Variants in BAZ2B observed in about 807,000 individuals in gnomAD.
BAZ2B encodes the protein bromodomain adjacent to zinc finger domain protein 2B.
BAZ2B carries 91 observed loss-of-function variants against 246.0 expected under a neutral mutation model. The observed-to-expected ratio is 0.37, with a 90% CI of 0.31 to 0.44. The LOEUF (loss-of-function observed/expected upper bound fraction) is 0.44. BAZ2B is among the 20% of genes least tolerant of loss of function. The probability of loss-of-function intolerance (pLI) is 1.00; values close to 1 mark genes in which losing one functional copy is unlikely to be tolerated. For synonymous variants in BAZ2B, 855 were observed against 860.0 expected, an observed-to-expected ratio of 0.99 and a Z score of 0.10; for missense variants, 2,332 against 2,533.7, an observed-to-expected ratio of 0.92 and a Z score of 1.71.
chr2:159,697,868 T>C, the BAZ2B span, among the ~76,000 whole-genome samples: 4 of 152,168 alleles, frequency 2.6e-5, no homozygotes, highest in Non-Finnish European at 5.9e-5. Context: ...TTCTTAGCAT[T>C]ACACTGATTT....
At chr2:159,540,101 CT>C (rs1293990524) in intron 2 of BAZ2B, among the ~76,000 whole-genome samples, 3 of 152,174 alleles carry the variant, frequency 2.0e-5, no homozygotes. Flanking sequence ...AGAAAGTAAA[CT>C]TAATGACAGA....
chr2:159,536,552 G>A (rs1370349625), intron 2 of BAZ2B, among the ~76,000 whole-genome samples: 2 of 152,190 alleles, frequency 1.3e-5, no homozygotes, highest in East Asian at 3.8e-4. Context: ...GTGTCACACG[G>A]AGATAGCTAC....
At chr2:159,369,966 T>C (rs1269800339) in intron 27 of BAZ2B, among the ~76,000 whole-genome samples, 1 of 152,182 alleles carries the variant, frequency 6.6e-6, no homozygotes, top group East Asian at 1.9e-4. Flanking sequence ...ATGGCACATA[T>C]ACACCATGGA....
At chr2:159,561,338 C>A (rs1280102934) in intron 1 of BAZ2B, among the ~76,000 whole-genome samples, 1 of 152,238 alleles carries the variant, frequency 6.6e-6, no homozygotes, top group Non-Finnish European at 1.5e-5. Flanking sequence ...CCCTCTCACC[C>A]ATGCCAGCTT....
At chr2:159,518,466 T>C (rs2083679938) in intron 2 of BAZ2B, among the ~76,000 whole-genome samples, 1 of 152,182 alleles carries the variant, frequency 6.6e-6, no homozygotes, top group African/African-American at 2.4e-5. Flanking sequence ...TCCCCTGTAC[T>C]CTGGAAAGTC....
rs10172494 is a variant in BAZ2B at position 159,329,051 on chromosome 2, A to T, written c.5944-3133T>A. ...GCTGAGGCAGGAGAATCGCTTGAAC[A>T]CGGGAGGTGGAGGTTGCAGCAGTGA... On this transcript the variant is annotated intron_variant, in intron 34 of 36. Coordinates refer to ENST00000392783, the MANE Select transcript of BAZ2B (RefSeq NM_013450.4). Among the ~76,000 whole-genome samples the T allele has an allele frequency of 3.3e-3, 499 of 151,380 alleles. 1 individual carries two copies. The highest frequency in any genetic ancestry group is 4.7e-3 in the Non-Finnish European group (319 of 67,848).
chr2:159,428,084 T>C (rs987992134), intron 12 of BAZ2B, 42 bp from the exon 13 acceptor site: 10 of 1,560,788 alleles, frequency 6.4e-6, no homozygotes, highest in Non-Finnish European at 8.8e-6. Context: ...TTTTAATAAT[T>C]ACAACCCAGC....
At chr2:159,567,548 A>G (rs1242858899) in intron 1 of BAZ2B, among the ~76,000 whole-genome samples, 1 of 152,188 alleles carries the variant, frequency 6.6e-6, no homozygotes, top group East Asian at 1.9e-4. Context: ...TCAATGGCAT[A>G]TTGCTTGGGC....
the BAZ2B span, among the ~76,000 whole-genome samples, chr2:159,683,468 C>T: frequency 6.6e-6 from 1 of 152,244 alleles, no homozygotes; most frequent in Non-Finnish European, 1.5e-5. Flanking sequence ...ACCACCACCA[C>T]AACCAAAATA....
intron 34 of BAZ2B, among the ~76,000 whole-genome samples, chr2:159,330,528 T>C (rs2064552242): frequency 6.6e-6 from 1 of 152,106 alleles, no homozygotes. Flanking sequence ...AAGAGCACTT[T>C]TGGAGAAGCT....
In BAZ2B at chr2:159,383,580, ATTAACT is replaced by A. The variant is rs773307443; in HGVS notation, c.3761+20_3761+25del. On this transcript the variant is annotated intron_variant, in intron 24 of 36. Coordinates refer to ENST00000392783, the MANE Select transcript of BAZ2B (RefSeq NM_013450.4). ...AATTTGTAGAAAAAGAAAACAGTAC[ATTAACT>A]TTAATAAAACAGGACTTACTTGCGG... The A allele has an allele frequency of 2.5e-6, 4 of 1,576,820 alleles. No individual in the cohort carries two copies. Among genetic ancestry groups the A allele is most frequent in the East Asian group, 2.3e-5 (1 of 44,422 alleles).
chr2:159,380,808 G>A (rs959913844), intron 25 of BAZ2B, among the ~76,000 whole-genome samples: 5 of 152,136 alleles, frequency 3.3e-5, no homozygotes, highest in Non-Finnish European at 5.9e-5. Flanking sequence ...GTATGTTGTT[G>A]AGTGAATTAA....
At chr2:159,362,812 C>A (rs2059852333) in intron 27 of BAZ2B, among the ~76,000 whole-genome samples, 1 of 152,118 alleles carries the variant, frequency 6.6e-6, no homozygotes, top group African/African-American at 2.4e-5. Context: ...TCCTTATCAG[C>A]TTAGAGATTT....
intron 2 of BAZ2B, among the ~76,000 whole-genome samples, chr2:159,519,511 T>A (rs561041960): frequency 2.7e-4 from 41 of 150,122 alleles, no homozygotes; most frequent in Non-Finnish European, 5.8e-4. Context: ...ATTACAGGCG[T>A]GAGCCACCGC....
intron 2 of BAZ2B, among the ~76,000 whole-genome samples, chr2:159,544,557 A>G (rs1469574775): frequency 6.6e-6 from 1 of 152,180 alleles, no homozygotes; most frequent in Non-Finnish European, 1.5e-5. Context: ...GTTGAATTAC[A>G]TGTCTGTGGG....
chr2:159,430,588 A>G (rs369569918), intron 10 of BAZ2B, among the ~76,000 whole-genome samples: 1 of 152,288 alleles, frequency 6.6e-6, no homozygotes, highest in East Asian at 1.9e-4. Flanking sequence ...ATTAAATTCT[A>G]TATTCTAGAA....
intron 33 of BAZ2B, among the ~76,000 whole-genome samples, chr2:159,335,405 G>C (rs1169636113): frequency 6.6e-6 from 1 of 151,938 alleles, no homozygotes; most frequent in East Asian, 1.9e-4. Context: ...AATTTAGCTG[G>C]GCATGGTGGT....
At chr2:159,382,930 G>T (rs2062170888) in intron 24 of BAZ2B, 128 bp from the exon 25 acceptor site, 2 of 1,235,692 alleles carry the variant, frequency 1.6e-6, no homozygotes, top group Admixed American at 2.9e-5. Flanking sequence ...ATATACCAAT[G>T]TTAAAAAAAA....
intron 33 of BAZ2B, among the ~76,000 whole-genome samples, chr2:159,336,066 C>G (rs948896471): frequency 2.0e-5 from 3 of 152,160 alleles, no homozygotes; most frequent in Non-Finnish European, 4.4e-5. Flanking sequence ...GAGGCTGATG[C>G]AGGAGAATCC....
Sources: gnomAD v4.1 joint callset for allele counts (sites outside exome capture counted in the v4.1 genomes callset) on GRCh38, gnomAD v4.1.1 for gene constraint, MANE v1.5 for transcripts, NCBI Gene and HGNC (gene_info 2026-07-23, HGNC 2026-07-21) for gene names.